IMMP2L: variants seen among roughly 807,000 people sequenced by gnomAD.
The protein encoded by IMMP2L is inner mitochondrial membrane peptidase subunit 2.
A neutral mutation model predicts 19.3 loss-of-function variants in IMMP2L; 18 were observed. The observed-to-expected ratio is 0.93, with a 90% CI of 0.64 to 1.38. The LOEUF is 1.38. IMMP2L is among the 40% of genes most tolerant of loss of function. IMMP2L has a pLI of 0.00. For missense variants in IMMP2L, 233 were observed against 218.2 expected (o/e 1.07, Z -0.43); for synonymous variants, 76 against 73.0 (o/e 1.04, Z -0.21).
chr7:111,182,064 A>G (rs1224951244), intron 3 of IMMP2L, among the ~76,000 whole-genome samples: 2 of 152,020 alleles, frequency 1.3e-5, no homozygotes, highest in Non-Finnish European at 2.9e-5. Flanking sequence ...TTTTAAAATG[A>G]TCTTTCCTAA....
At chr7:110,885,243 A>C (rs534484981) in intron 5 of IMMP2L, among the ~76,000 whole-genome samples, 43 of 152,010 alleles carry the variant, frequency 2.8e-4, no homozygotes, top group Admixed American at 1.4e-3. Flanking sequence ...CCAAAATTTG[A>C]AATCCAAAAT....
chr7:111,474,940 G>A (rs192252131), intron 3 of IMMP2L, among the ~76,000 whole-genome samples: 2 of 152,076 alleles, frequency 1.3e-5, no homozygotes, highest in East Asian at 1.9e-4. Context: ...GTTTCCTACT[G>A]TACTGTCATA....
chr7:111,198,117 T>C (rs1809699083), intron 3 of IMMP2L, among the ~76,000 whole-genome samples: 1 of 152,160 alleles, frequency 6.6e-6, no homozygotes, highest in African/African-American at 2.4e-5. Flanking sequence ...ATGTATTCTT[T>C]TCCTGTCCTC....
At chr7:111,191,431 T>TACACACACCC (rs1808856286) in intron 3 of IMMP2L, among the ~76,000 whole-genome samples, 1 of 146,664 alleles carries the variant, frequency 6.8e-6, no homozygotes, top group Non-Finnish European at 1.5e-5. Flanking sequence ...GCTGCTCAAA[T>TACACACACCC]ACACACACAC....
chr7:110,737,536 G>A (rs1326759313), intron 5 of IMMP2L, among the ~76,000 whole-genome samples: 1 of 152,172 alleles, frequency 6.6e-6, no homozygotes, highest in African/African-American at 2.4e-5. Flanking sequence ...AGAAGAGGTT[G>A]AGCTCAGACA....
At chr7:110,679,188 G>C (rs1050288332) in intron 5 of IMMP2L, among the ~76,000 whole-genome samples, 8 of 152,044 alleles carry the variant, frequency 5.3e-5, no homozygotes, top group African/African-American at 1.9e-4. Context: ...GGTATCTCCA[G>C]CTAATTTTCA....
chr7:110,915,810 GAGAAA>G (rs1219164941), intron 4 of IMMP2L, among the ~76,000 whole-genome samples: 11 of 152,232 alleles, frequency 7.2e-5, no homozygotes, highest in African/African-American at 2.4e-4. Flanking sequence ...AAGAGAAAGA[GAGAAA>G]AGAAAACTGT....
chr7:111,485,623 A>AAAC (rs1842589998), intron 3 of IMMP2L, among the ~76,000 whole-genome samples: 1 of 150,606 alleles, frequency 6.6e-6, no homozygotes, highest in African/African-American at 2.4e-5. Context: ...AAAAAAAAAA[A>AAAC]AACACAGTTC....
intron 5 of IMMP2L, among the ~76,000 whole-genome samples, chr7:110,735,681 TACACACACACACACACACACACACAC>T (rs3051068): frequency 8.7e-6 from 1 of 114,800 alleles, no homozygotes; most frequent in South Asian, 3.3e-4. Context: ...AGTAGACAAA[TACACACACACACACACACACACACAC>T]ACACACACAC....
At chr7:110,713,234 T>G (rs1021409957) in intron 5 of IMMP2L, among the ~76,000 whole-genome samples, 10 of 152,176 alleles carry the variant, frequency 6.6e-5, no homozygotes, top group African/African-American at 2.2e-4. Context: ...TACAGTTTGA[T>G]TTCTGGGTTC....
chr7:111,042,048 T>C (rs958207039), intron 3 of IMMP2L, among the ~76,000 whole-genome samples: 1 of 152,274 alleles, frequency 6.6e-6, no homozygotes, highest in Non-Finnish European at 1.5e-5. Context: ...AAGTATTACA[T>C]AGTGTGTGTT....
At chr7:111,544,713 A>T (rs1003386379) in intron 1 of IMMP2L, among the ~76,000 whole-genome samples, 1 of 152,148 alleles carries the variant, frequency 6.6e-6, no homozygotes, top group African/African-American at 2.4e-5. Flanking sequence ...GTAACAGAGC[A>T]GCAAAATAAG....
At chr7:111,203,477 G>A (rs1810369566) in intron 3 of IMMP2L, among the ~76,000 whole-genome samples, 1 of 150,942 alleles carries the variant, frequency 6.6e-6, no homozygotes, top group Admixed American at 6.6e-5. Context: ...AAGGCAGTCA[G>A]AAAATATAAG....
chr7:111,101,938 T>C (rs574692326), intron 3 of IMMP2L, among the ~76,000 whole-genome samples: 2 of 151,552 alleles, frequency 1.3e-5, no homozygotes, highest in South Asian at 4.1e-4. Flanking sequence ...CTACCAAAAA[T>C]GGACAAAACT....
At chr7:111,494,897 A>C (rs1477837917) in intron 2 of IMMP2L, among the ~76,000 whole-genome samples, 1 of 151,762 alleles carries the variant, frequency 6.6e-6, no homozygotes, top group African/African-American at 2.4e-5. Context: ...TTACATAGTA[A>C]ACTGAAAGTA....
chr7:111,529,200 C>T (rs1331305990), intron 1 of IMMP2L, among the ~76,000 whole-genome samples: 1 of 152,176 alleles, frequency 6.6e-6, no homozygotes, highest in African/African-American at 2.4e-5. Context: ...CAGCTATCAT[C>T]CTCCACGGAT....
intron 5 of IMMP2L, among the ~76,000 whole-genome samples, chr7:110,843,801 C>G (rs960955284): frequency 7.2e-5 from 11 of 152,146 alleles, no homozygotes; most frequent in Non-Finnish European, 1.3e-4. Context: ...GAGGAAGGAA[C>G]TTCTCTTGGC....
At chr7:110,779,623 A>G (rs565852652) in intron 5 of IMMP2L, among the ~76,000 whole-genome samples, 3 of 151,914 alleles carry the variant, frequency 2.0e-5, no homozygotes, top group South Asian at 2.1e-4. Context: ...CTAGGAACAG[A>G]CAGATGGCTT....
intron 3 of IMMP2L, among the ~76,000 whole-genome samples, chr7:111,103,106 TAATG>T (rs1420788304): frequency 6.6e-6 from 1 of 151,664 alleles, no homozygotes; most frequent in Non-Finnish European, 1.5e-5. Context: ...GCGTGAGTAC[TAATG>T]AATGTTGTTA....
Sources: gnomAD v4.1 joint callset for allele counts (sites outside exome capture counted in the v4.1 genomes callset) on GRCh38, gnomAD v4.1.1 for gene constraint, MANE v1.5 for transcripts, NCBI Gene and HGNC (gene_info 2026-07-23, HGNC 2026-07-21) for gene names.